The following SEC24D variants were observed in gnomAD, a reference collection of about 807,000 sequenced individuals.
The protein encoded by SEC24D is SEC24 homolog D, COPII component.
Under a neutral mutation model 116.9 loss-of-function variants are expected in SEC24D, and 69 were observed. The ratio of observed to expected loss-of-function variants is 0.59; its 90% confidence interval spans 0.49 to 0.72. The LOEUF is 0.72. Ranked by LOEUF, SEC24D falls within the 30% of genes least tolerant of loss-of-function variation. The pLI is 0.00. For missense variants in SEC24D, 1,131 were observed against 1,264.1 expected (o/e 0.89, Z 1.60); for synonymous variants, 405 against 442.8 (o/e 0.91, Z 1.07).
chr4:118,830,232 A>G (rs552490816), intron 2 of SEC24D, among the ~76,000 whole-genome samples: 1 of 152,378 alleles, frequency 6.6e-6, no homozygotes, highest in African/African-American at 2.4e-5. Context: ...TTTAAACTAA[A>G]GCATGAAGGA....
At chr4:118,793,453 C>T (rs1294850346) in intron 8 of SEC24D, among the ~76,000 whole-genome samples, 1 of 120,990 alleles carries the variant, frequency 8.3e-6, no homozygotes, top group Non-Finnish European at 1.6e-5. Context: ...GGCGACAGAG[C>T]GAGACTCCGT....
At chr4:118,762,584 A>T (rs1727437478) in intron 10 of SEC24D, among the ~76,000 whole-genome samples, 1 of 152,206 alleles carries the variant, frequency 6.6e-6, no homozygotes, top group Non-Finnish European at 1.5e-5. Flanking sequence ...TCCTCTTTCC[A>T]AGTGCATGGT....
chr4:118,737,036 T>C (rs1255526652), intron 19 of SEC24D, among the ~76,000 whole-genome samples: 2 of 152,252 alleles, frequency 1.3e-5, no homozygotes, highest in Admixed American at 6.5e-5. Context: ...ACTGTATCTG[T>C]ACTGCTTCAA....
intron 8 of SEC24D, among the ~76,000 whole-genome samples, chr4:118,780,996 A>G (rs1175888462): frequency 7.4e-6 from 1 of 134,348 alleles, no homozygotes; most frequent in Non-Finnish European, 1.5e-5. Flanking sequence ...GTGTCTCTGC[A>G]TGTGAAATGG....
At chr4:118,787,749 C>T (rs578093220) in intron 8 of SEC24D, among the ~76,000 whole-genome samples, 17 of 152,080 alleles carry the variant, frequency 1.1e-4, no homozygotes, top group East Asian at 1.9e-4. Context: ...TGAAGGTTGC[C>T]GTGAACAGAG....
At chr4:118,766,404 C>A (rs1727646427) in intron 9 of SEC24D, 1 of 152,140 alleles carries the variant, frequency 6.6e-6, no homozygotes, top group Non-Finnish European at 1.5e-5. Flanking sequence ...TTTGTTAAAC[C>A]TAAAAGAAGA....
chr4:118,737,389 T>C (rs746642034), intron 19 of SEC24D, among the ~76,000 whole-genome samples: 33 of 152,206 alleles, frequency 2.2e-4, no homozygotes, highest in Non-Finnish European at 4.7e-4. Context: ...TTATGAAAAA[T>C]CCATCTAGTA....
rs771600381 is a variant in SEC24D, at chr4:118,757,689, A to G, written c.1421+32T>C. 21 of 1,592,332 alleles carry G rather than the reference A, an allele frequency of 1.3e-5. No homozygotes were observed. In the Admixed American group the frequency reaches 2.7e-4, roughly 21 times the overall value. ...CAATAAATTAATTAGGCAATAATGT[A>G]TAAGTTGTAAAAAGAATGACGGTTG... On this transcript the variant is annotated intron_variant, in intron 11 of 22. Transcript: ENST00000280551.
intron 9 of SEC24D, among the ~76,000 whole-genome samples, chr4:118,765,396 C>T (rs2288306): frequency 0.61 from 92,351 of 152,140 alleles, 30,538 homozygotes; most frequent in Non-Finnish European, 0.72. Flanking sequence ...TTAATGTTTG[C>T]GCTTAAGAGT....
At chr4:118,782,962 C>T (rs1042834369) in intron 8 of SEC24D, among the ~76,000 whole-genome samples, 10 of 152,120 alleles carry the variant, frequency 6.6e-5, no homozygotes, top group Non-Finnish European at 1.0e-4. Flanking sequence ...ATTGGAAAAG[C>T]GCAGTATTTT....
chr4:118,792,944 G>C lies in SEC24D; in HGVS notation c.1041+4739C>G, dbSNP rs371201497. 6.6e-5 allele frequency among the ~76,000 whole-genome samples: 10 copies of C among 152,242 alleles called. No homozygotes were observed. In the East Asian group the frequency reaches 1.4e-3, roughly 21 times the overall value. ...CATAATTTTGCTTTTTATAAATTTTGACTGTTATTATTCCCATCAGTAGCA... is the reference window on the plus strand; with the variant it reads ...CATAATTTTGCTTTTTATAAATTTTCACTGTTATTATTCCCATCAGTAGCA... On this transcript the variant is annotated intron_variant, in intron 8 of 22. Transcript: ENST00000280551.
intron 17 of SEC24D, 39 bp from the exon 18 acceptor site, chr4:118,739,326 A>C (rs1409008444): frequency 6.3e-7 from 1 of 1,592,232 alleles, no homozygotes; most frequent in South Asian, 1.1e-5. Flanking sequence ...TTTTCTGATT[A>C]ACATATCCAC....
chr4:118,723,516 TA>T lies in SEC24D; in HGVS notation c.3097del (p.Ter1033AsnfsTer2), dbSNP rs1725249542. The T allele has an allele frequency of 1.2e-6, 2 of 1,607,200 alleles. No homozygotes were observed. Among genetic ancestry groups the T allele is most frequent in the Non-Finnish European group, 1.7e-6 (2 of 1,177,818 alleles). On this transcript the variant is annotated frameshift_variant and stop_lost, in exon 23 of 23. Coordinates refer to ENST00000280551, the MANE Select transcript of SEC24D (RefSeq NM_014822.4). LOFTEE classifies it high-confidence loss of function. ...ACATCAATGACAGAGAAGTTTCAAT[TA>T]ATTAAGCAGCTGACAGATCTCCTTG... ...VHKEICQLLN[*>X]
chr4:118,791,518 A>C (rs903284349), intron 8 of SEC24D, among the ~76,000 whole-genome samples: 15 of 149,684 alleles, frequency 1.0e-4, no homozygotes, highest in African/African-American at 2.9e-4. Context: ...AGCTCTCCCT[A>C]CTCCCTACTC....
chr4:118,779,560 TTC>T (rs1170915082), intron 8 of SEC24D, among the ~76,000 whole-genome samples: 1 of 152,234 alleles, frequency 6.6e-6, no homozygotes, highest in African/African-American at 2.4e-5. Context: ...TGGTCTAAAA[TTC>T]TCTTTTTTTG....
intron 22 of SEC24D, 115 bp from the exon 23 acceptor site, chr4:118,723,770 A>G (rs1341920683): frequency 1.8e-6 from 2 of 1,125,006 alleles, no homozygotes; most frequent in Admixed American, 2.5e-5. Context: ...ATTATGTGTG[A>G]GGCTATGGAG....
chr4:118,794,370 C>T (rs138819265), intron 8 of SEC24D, among the ~76,000 whole-genome samples: 1 of 152,060 alleles, frequency 6.6e-6, no homozygotes, highest in Non-Finnish European at 1.5e-5. Context: ...CCCAGGTCAG[C>T]TTTATCACGA....
At chr4:118,780,907 C>CTTTTTTT (rs143712578) in intron 8 of SEC24D, among the ~76,000 whole-genome samples, 14 of 61,872 alleles carry the variant, frequency 2.3e-4, no homozygotes, top group East Asian at 6.7e-4. Context: ...GCAACCCCTG[C>CTTTTTTT]TTTTTTTTTT....
chr4:118,782,459 A>T (rs1022593453), intron 8 of SEC24D, among the ~76,000 whole-genome samples: 7 of 152,178 alleles, frequency 4.6e-5, no homozygotes, highest in African/African-American at 1.2e-4. Context: ...TTGCTGCCTG[A>T]TCCTTCCTCT....
Sources: gnomAD v4.1 joint callset for allele counts (sites outside exome capture counted in the v4.1 genomes callset) on GRCh38, gnomAD v4.1.1 for gene constraint, MANE v1.5 for transcripts, NCBI Gene and HGNC (gene_info 2026-07-23, HGNC 2026-07-21) for gene names.